The following SLC30A9 variants were observed in gnomAD, a reference collection of about 807,000 sequenced individuals.
SLC30A9 encodes the protein solute carrier family 30 member 9, also known as proton-coupled zinc antiporter SLC30A9, mitochondrial.
Under a neutral mutation model 87.5 loss-of-function variants are expected in SLC30A9, and 58 were observed. That is an observed-to-expected ratio of 0.66 (90% CI 0.54 to 0.82). The LOEUF (loss-of-function observed/expected upper bound fraction) is 0.82. SLC30A9 is among the 40% of genes least tolerant of loss of function. The pLI is 0.00. For synonymous variants in SLC30A9, 234 were observed against 233.0 expected (o/e 1.00, Z -0.04); for missense variants, 557 against 679.1 (o/e 0.82, Z 2.00).
intron 8 of SLC30A9, among the ~76,000 whole-genome samples, chr4:42,042,665 G>A (rs1447770130): frequency 6.6e-6 from 1 of 152,142 alleles, no homozygotes; most frequent in Non-Finnish European, 1.5e-5. Context: ...AGACTTAAAC[G>A]TTCCTGTCTG....
At chr4:42,048,251 TA>T (rs1327348416) in intron 8 of SLC30A9, among the ~76,000 whole-genome samples, 1 of 152,000 alleles carries the variant, frequency 6.6e-6, no homozygotes, top group Non-Finnish European at 1.5e-5. Flanking sequence ...AAACATTGTT[TA>T]AAAAAAGAAG....
intron 14 of SLC30A9, among the ~76,000 whole-genome samples, chr4:42,069,388 A>G (rs16853941): frequency 0.65 from 99,278 of 152,094 alleles, 36,905 homozygotes; most frequent in East Asian, 0.96. Context: ...ATATTCCTGT[A>G]ATTTCTTTAA....
chr4:42,083,109 G>T (rs1463580326), intron 17 of SLC30A9, among the ~76,000 whole-genome samples: 5 of 152,098 alleles, frequency 3.3e-5, no homozygotes, highest in Non-Finnish European at 7.4e-5. Flanking sequence ...TTAGTTCATT[G>T]GGAGGCTGCT....
intron 17 of SLC30A9, among the ~76,000 whole-genome samples, chr4:42,083,544 C>T (rs940887590): frequency 2.0e-5 from 3 of 151,998 alleles, no homozygotes; most frequent in African/African-American, 4.8e-5. Context: ...TATACTTTTA[C>T]AAATTTGATT....
chr4:41,991,376 A>T (rs776216147), intron 1 of SLC30A9, among the ~76,000 whole-genome samples: 23 of 152,242 alleles, frequency 1.5e-4, no homozygotes, highest in Non-Finnish European at 2.9e-4. Flanking sequence ...TTGTAGTGGT[A>T]ACCCAGAAAA....
Position 41,997,998 on chromosome 4 carries a change from C to G in SLC30A9, c.110-3618C>G, listed in dbSNP as rs1391579095. On this transcript the variant is annotated intron_variant, in intron 1 of 17. Transcript: ENST00000264451. ...TTTTGTTTATTTTTAGTTGTTGTTG[C>G]GGAAGCAACGTATACAGTAGACTGA... Among the ~76,000 whole-genome samples, 2 of 152,292 alleles carry G rather than the reference C, an allele frequency of 1.3e-5. 1 individual carries two copies. The highest frequency in any genetic ancestry group is 4.1e-4 in the South Asian group (2 of 4,824).
chr4:41,992,139 G>A (rs905530054), intron 1 of SLC30A9, among the ~76,000 whole-genome samples: 7 of 151,656 alleles, frequency 4.6e-5, no homozygotes, highest in Non-Finnish European at 7.4e-5. Context: ...CAGCCCAGGA[G>A]TTCCAAGACC....
intron 8 of SLC30A9, among the ~76,000 whole-genome samples, chr4:42,043,612 C>G (rs958441032): frequency 6.6e-6 from 1 of 152,172 alleles, no homozygotes; most frequent in Non-Finnish European, 1.5e-5. Context: ...CTGAAAGTGA[C>G]TGGGAGAATG....
intron 1 of SLC30A9, among the ~76,000 whole-genome samples, chr4:41,992,955 A>G (rs1379172210): frequency 1.3e-5 from 2 of 152,056 alleles, no homozygotes; most frequent in Non-Finnish European, 2.9e-5. Context: ...TGGCTGGGAA[A>G]AGCTTATAAA....
At chr4:42,042,022 C>T (rs1033780217) in intron 8 of SLC30A9, among the ~76,000 whole-genome samples, 3 of 152,178 alleles carry the variant, frequency 2.0e-5, no homozygotes, top group African/African-American at 4.8e-5. Flanking sequence ...ACGGTGCATT[C>T]CAGCCCAGAT....
chr4:42,047,510 A>G (rs911216972), intron 8 of SLC30A9, among the ~76,000 whole-genome samples: 16 of 152,366 alleles, frequency 1.1e-4, no homozygotes, highest in African/African-American at 3.8e-4. Context: ...AGAGAAATGC[A>G]AATCGAAACC....
chr4:42,023,824 T>A (rs1716076195), intron 6 of SLC30A9, among the ~76,000 whole-genome samples: 1 of 152,078 alleles, frequency 6.6e-6, no homozygotes, highest in African/African-American at 2.4e-5. Context: ...AAGCATACAA[T>A]CATGGCGCAA....
In SLC30A9 at chr4:42,012,766, C is replaced by T. The variant is rs192699736; in HGVS notation, c.275-5345C>T. On this transcript the variant is annotated intron_variant, in intron 2 of 17. Transcript: ENST00000264451. Reference sequence around the variant, plus strand: ...GAGTCATTTTACTAAACAACCCCTCCACATTAAAAAACAAACAAACAAAAA... The same window carrying T: ...GAGTCATTTTACTAAACAACCCCTCTACATTAAAAAACAAACAAACAAAAA... Among the ~76,000 whole-genome samples the T allele has an allele frequency of 3.1e-3, 477 of 151,936 alleles. 2 individuals are homozygous for T. The highest frequency in any genetic ancestry group is 4.9e-3 in the Non-Finnish European group (336 of 67,988).
Position 41,990,564 on chromosome 4 carries a change from C to A in SLC30A9, c.-88C>A. Reference sequence around the variant, plus strand: ...GTGGCGGCGAAGCCATCGGTGTTCGCTGATGTCCAGTCTATGGAGTCAGTT... The same window carrying A: ...GTGGCGGCGAAGCCATCGGTGTTCGATGATGTCCAGTCTATGGAGTCAGTT... On this transcript the variant is annotated 5_prime_UTR_variant, in exon 1 of 18. The change creates a new upstream start codon in the 5' untranslated region. Coordinates refer to ENST00000264451, the MANE Select transcript of SLC30A9 (RefSeq NM_006345.4). 1 of 752,484 alleles carries A rather than the reference C, an allele frequency of 1.3e-6. No homozygotes were observed. The allele number at this position is 752,484 out of a possible 1,614,324, so 46.6% of individuals were successfully genotyped here.
At position 42,011,723 on chromosome 4, in the gene SLC30A9, A is replaced by G. The variant is rs140867769; in HGVS notation, c.275-6388A>G. Among the ~76,000 whole-genome samples the G allele has an allele frequency of 4.6e-3, 698 of 152,354 alleles. 5 individuals carry two copies. Among genetic ancestry groups the G allele is most frequent in the African/African-American group, 0.016 (672 of 41,588 alleles). The stretch of plus-strand genomic sequence containing the variant: ...AAATAACAGCTTCAATTGCTTTAAA[A>G]TAAGTTTAATGTTCTCAAAAGGTTA... On this transcript the variant is annotated intron_variant, in intron 2 of 17. Transcript: ENST00000264451.
intron 1 of SLC30A9, among the ~76,000 whole-genome samples, 172 bp from the exon 2 acceptor site, chr4:42,001,444 A>G (rs553406835): frequency 8.4e-4 from 128 of 152,152 alleles, no homozygotes; most frequent in South Asian, 1.7e-3. Flanking sequence ...AAAATTTCCA[A>G]ATAAGTTTAC....
rs748038954 is a variant in SLC30A9 at position 42,001,692 on chromosome 4, T to G, written c.186T>G (p.Ser62Arg). 6.2e-7 allele frequency: 1 copy of G among 1,609,884 alleles called. No homozygotes were observed. Among genetic ancestry groups the G allele is most frequent in the East Asian group, 2.2e-5 (1 of 44,748 alleles). The change falls in exon 2 of 18, where the codon AGT becomes AGG. Residue 62 changes from serine (S) to arginine (R), a missense_variant. Physicochemically the swap from Ser to Arg is moderately radical, Grantham distance 110 (BLOSUM62 -1). Transcript: ENST00000264451. ...PCSHPYIGTL[S>R]QVKLYSTNVQ... Reference sequence around the variant, plus strand: ...GTCATCCATATATTGGTACCCTGAGTCAAGTAAAGTTGTACTCCACAAATG... The same window carrying G: ...GTCATCCATATATTGGTACCCTGAGGCAAGTAAAGTTGTACTCCACAAATG...
At chr4:42,046,386 G>C (rs1408913917) in intron 8 of SLC30A9, among the ~76,000 whole-genome samples, 1 of 152,168 alleles carries the variant, frequency 6.6e-6, no homozygotes, top group East Asian at 1.9e-4. Context: ...CTTGAGCAAA[G>C]TCTCAGGATA....
chr4:42,061,026 C>A (rs1368713179), intron 10 of SLC30A9, among the ~76,000 whole-genome samples: 2 of 152,080 alleles, frequency 1.3e-5, no homozygotes, highest in African/African-American at 4.8e-5. Context: ...AATTACCCAT[C>A]ATTACAGTGT....
Sources: gnomAD v4.1 joint callset for allele counts (sites outside exome capture counted in the v4.1 genomes callset) on GRCh38, gnomAD v4.1.1 for gene constraint, MANE v1.5 for transcripts, NCBI Gene and HGNC (gene_info 2026-07-23, HGNC 2026-07-21) for gene names.